The following ERG variants were observed in gnomAD, a reference collection of about 807,000 sequenced individuals.
ERG encodes the protein ETS transcription factor ERG.
ERG carries 9 observed loss-of-function variants against 55.3 expected under a neutral mutation model. The ratio of observed to expected loss-of-function variants is 0.16; its 90% confidence interval spans 0.10 to 0.28. The LOEUF is 0.28. Ranked by LOEUF, ERG falls within the 10% of genes least tolerant of loss-of-function variation. The pLI is 1.00. For missense variants in ERG, 434 were observed against 631.6 expected (o/e 0.69, Z 3.35); for synonymous variants, 223 against 237.3 (o/e 0.94, Z 0.55).
intron 2 of ERG, among the ~76,000 whole-genome samples, chr21:38,564,502 A>T (rs1271256326): frequency 1.3e-5 from 2 of 152,160 alleles, no homozygotes; most frequent in Admixed American, 1.3e-4. Flanking sequence ...AATGTATACA[A>T]ATTGCTGAGA....
chr21:38,415,048 C>T (rs1754836046), intron 3 of ERG, among the ~76,000 whole-genome samples: 1 of 152,214 alleles, frequency 6.6e-6, no homozygotes. Flanking sequence ...AGAATGTCTA[C>T]AACAATTTAA....
chr21:38,383,256 CT>C lies in ERG; in HGVS notation c.*146del. On this transcript the variant is annotated 3_prime_UTR_variant, in exon 10 of 10. Coordinates refer to ENST00000288319, the MANE Select transcript of ERG (RefSeq NM_182918.4). This position sits in a 1 kb window ranked among gnomAD's most constrained non-coding sequence, Gnocchi z 5.7. ...ACTTCAGTAACTCCCTCCCAAGAGT[CT>C]TTGGATCTCTTCCCCGGCTTCCTTC... 1 of 1,332,730 alleles carries C rather than the reference CT, an allele frequency of 7.5e-7. No individual in the cohort carries two copies. The highest frequency in any genetic ancestry group is 9.6e-7 in the Non-Finnish European group (1 of 1,041,726). The allele number at this position is 1,332,730 out of a possible 1,614,324, so 82.6% of individuals were successfully genotyped here. A position where few individuals can be genotyped will look rare whatever the true frequency, so the allele number is the denominator to read the frequency against.
At chr21:38,527,453 C>T (rs899829247) in intron 2 of ERG, among the ~76,000 whole-genome samples, 8 of 152,136 alleles carry the variant, frequency 5.3e-5, no homozygotes, top group South Asian at 2.1e-4. Flanking sequence ...GCTTAGTGAA[C>T]GCTGAGGAAT....
At chr21:38,423,259 T>C (rs541433220) in intron 3 of ERG, 151 bp downstream of exon 3, 5 of 681,784 alleles carry the variant, frequency 7.3e-6, no homozygotes, top group East Asian at 2.9e-5. Flanking sequence ...TCCTCATGCA[T>C]AGACCTCTGC....
intron 2 of ERG, among the ~76,000 whole-genome samples, chr21:38,524,981 CAA>C (rs1288774709): frequency 2.0e-5 from 3 of 152,004 alleles, no homozygotes; most frequent in Admixed American, 2.0e-4. Flanking sequence ...TAATTCCAAA[CAA>C]AGAGACCAAC....
intron 1 of ERG, among the ~76,000 whole-genome samples, chr21:38,481,909 T>G (rs537275191): frequency 2.0e-5 from 3 of 152,246 alleles, no homozygotes; most frequent in Non-Finnish European, 4.4e-5. Context: ...CCAGAAAGAC[T>G]TATTATATAA....
At chr21:38,560,469 T>C (rs542866304) in intron 2 of ERG, among the ~76,000 whole-genome samples, 1 of 152,242 alleles carries the variant, frequency 6.6e-6, no homozygotes, top group East Asian at 1.9e-4. Flanking sequence ...AAAGGCAAGC[T>C]CTGCTCCAGA....
intron 3 of ERG, among the ~76,000 whole-genome samples, chr21:38,416,227 C>T (rs577010173): frequency 1.2e-4 from 19 of 152,302 alleles, no homozygotes; most frequent in Middle Eastern, 3.4e-3. Context: ...TGTAACTCAG[C>T]GCTCACAGAA....
chr21:38,451,166 G>T (rs745766458), intron 1 of ERG: 1 of 501,140 alleles, frequency 2.0e-6, no homozygotes, highest in East Asian at 5.7e-5. Context: ...ACAGAAGAAA[G>T]ATGAAGGGAT....
chr21:38,577,579 A>C (rs957539808), intron 1 of ERG, among the ~76,000 whole-genome samples: 9 of 151,926 alleles, frequency 5.9e-5, no homozygotes, highest in Admixed American at 1.3e-4. Context: ...CTCTCGTGGG[A>C]GAAGAGGCTG....
At chr21:38,494,161 G>A (rs367936542) in intron 1 of ERG, among the ~76,000 whole-genome samples, 4 of 152,302 alleles carry the variant, frequency 2.6e-5, no homozygotes, top group South Asian at 4.1e-4. Flanking sequence ...TGAGAGAAGC[G>A]CTATCAGGGG....
chr21:38,426,769 T>TA (rs112234791), intron 2 of ERG, among the ~76,000 whole-genome samples: 10 of 148,002 alleles, frequency 6.8e-5, no homozygotes, highest in Admixed American at 1.4e-4. Context: ...TGTCTCTACT[T>TA]AAAAAAAAAA....
At chr21:38,433,003 G>C (rs528179184) in intron 2 of ERG, among the ~76,000 whole-genome samples, 1 of 152,288 alleles carries the variant, frequency 6.6e-6, no homozygotes, top group African/African-American at 2.4e-5. Flanking sequence ...AGCTGAGCAG[G>C]GCAGCCACGA....
At chr21:38,500,078 G>A (rs2059410106), upstream of ERG, among the ~76,000 whole-genome samples, 2 of 152,056 alleles carry the variant, frequency 1.3e-5, no homozygotes, top group Admixed American at 1.3e-4. Flanking sequence ...GTTTTATCTG[G>A]GCAGCTTCCA....
intron 1 of ERG, among the ~76,000 whole-genome samples, chr21:38,647,754 T>C (rs2060465795): frequency 6.6e-6 from 1 of 152,214 alleles, no homozygotes; most frequent in Admixed American, 6.5e-5. Flanking sequence ...AAATGATTTC[T>C]CTAAGTTGGG....
intron 2 of ERG, among the ~76,000 whole-genome samples, chr21:38,424,997 T>C (rs1017073487): frequency 3.9e-5 from 6 of 152,130 alleles, no homozygotes; most frequent in African/African-American, 1.4e-4. Flanking sequence ...CCTACCTTTC[T>C]GGAAAAAGAA....
chr21:38,542,733 A>C (rs531199905), intron 2 of ERG, among the ~76,000 whole-genome samples: 1 of 152,226 alleles, frequency 6.6e-6, no homozygotes, highest in Non-Finnish European at 1.5e-5. Context: ...CAATGGGGTG[A>C]TAAGAGACAA....
intron 2 of ERG, among the ~76,000 whole-genome samples, chr21:38,525,476 TG>T (rs2059623519): frequency 6.6e-6 from 1 of 152,142 alleles, no homozygotes; most frequent in Admixed American, 6.5e-5. Flanking sequence ...TCAGAGCACA[TG>T]ACCAGAAGCA....
chr21:38,407,824 TA>T (rs1046126145), intron 3 of ERG, among the ~76,000 whole-genome samples: 17 of 147,040 alleles, frequency 1.2e-4, no homozygotes, highest in African/African-American at 3.2e-4. Context: ...ATAAAAAGTA[TA>T]AAAAATAAAA....
Sources: gnomAD v4.1 joint callset for allele counts (sites outside exome capture counted in the v4.1 genomes callset) on GRCh38, gnomAD v4.1.1 for gene constraint, Gnocchi (gnomAD v3.1) non-coding constraint, MANE v1.5 for transcripts, NCBI Gene and HGNC (gene_info 2026-07-23, HGNC 2026-07-21) for gene names.